DNAH7: variants seen among roughly 807,000 people sequenced by gnomAD.
DNAH7 encodes the protein dynein axonemal heavy chain 7, also known as axonemal beta dynein heavy chain 7.
A neutral mutation model predicts 444.6 loss-of-function variants in DNAH7; 397 were observed. That is an observed-to-expected ratio of 0.89 (90% CI 0.82 to 0.97). The LOEUF (loss-of-function observed/expected upper bound fraction) is 0.97, where lower values mean the gene tolerates loss of function less well. Ranked by LOEUF, DNAH7 falls within the 50% of genes least tolerant of loss-of-function variation. The pLI is 0.00. For missense variants in DNAH7, 4,902 were observed against 4,800.8 expected (o/e 1.02, Z -0.62); for synonymous variants, 1,636 against 1,624.4 (o/e 1.01, Z -0.17).
At chr2:195,867,136 T>C (rs554161818) in intron 40 of DNAH7, among the ~76,000 whole-genome samples, 3 of 152,292 alleles carry the variant, frequency 2.0e-5, no homozygotes, top group East Asian at 1.9e-4. Context: ...CAATCTTAAG[T>C]GTACAGCTCA....
chr2:196,062,885 T>C (rs1309474846), intron 1 of DNAH7, among the ~76,000 whole-genome samples: 1 of 152,206 alleles, frequency 6.6e-6, no homozygotes, highest in African/African-American at 2.4e-5. Context: ...GTTTTGTTTT[T>C]GTTTTTTGTT....
chr2:195,772,204 AAGAAAAAGCATTGCACTGGTGG>A (rs1260462915), intron 60 of DNAH7, among the ~76,000 whole-genome samples: 1 of 152,210 alleles, frequency 6.6e-6, no homozygotes, highest in Non-Finnish European at 1.5e-5. Context: ...CAGATAGTGG[AAGAAAAAGCATTGCACTGGTGG>A]AGTGGCCAAG....
chr2:195,948,694 GC>G (rs1689999064), intron 19 of DNAH7, among the ~76,000 whole-genome samples: 1 of 152,188 alleles, frequency 6.6e-6, no homozygotes, highest in Non-Finnish European at 1.5e-5. Flanking sequence ...GGTTACTGTA[GC>G]CTTGTAGTAT....
rs539691749 is a variant in DNAH7, at chr2:195,745,696, A to C, written c.11765-4827T>G. On this transcript the variant is annotated intron_variant, in intron 63 of 64. Transcript: ENST00000312428. Reference sequence around the variant, plus strand: ...ACAAGCCAGAAGAGAGTGGGGGCCAATATTCAACATTCTTAAAGAATTTTC... The same window carrying C: ...ACAAGCCAGAAGAGAGTGGGGGCCACTATTCAACATTCTTAAAGAATTTTC... Among the ~76,000 whole-genome samples, 239 of 152,376 alleles carry C rather than the reference A, an allele frequency of 1.6e-3. 2 individuals carry two copies. The highest frequency in any genetic ancestry group is 5.5e-3 in the African/African-American group (230 of 41,598).
At position 195,910,009 on chromosome 2, in the gene DNAH7, TGAG is replaced by T. The variant is rs1384661289; in HGVS notation, c.4104+15_4104+17del. 3.7e-6 allele frequency: 6 copies of T among 1,605,920 alleles called. No individual in the cohort carries two copies. The highest frequency in any genetic ancestry group is 5.1e-6 in the Non-Finnish European group (6 of 1,175,150). ...GATCAGTTATCCTGTTGTAAAGAAA[TGAG>T]GAGTTAATTCAAACCTTAAAGAATT... On this transcript the variant is annotated intron_variant, in intron 25 of 64. Coordinates refer to ENST00000312428, the MANE Select transcript of DNAH7 (RefSeq NM_018897.3).
chr2:196,017,711 A>G (rs200679002), intron 9 of DNAH7, among the ~76,000 whole-genome samples: 1 of 95,328 alleles, frequency 1.0e-5, no homozygotes, highest in Admixed American at 1.0e-4. Context: ...GGGAAAAGGT[A>G]AGATTGTTTA....
At position 195,906,765 on chromosome 2, in the gene DNAH7, A is replaced by T. The variant is rs751184952; in HGVS notation, c.4229T>A (p.Ile1410Lys). 3 of 1,613,478 alleles carry T rather than the reference A, an allele frequency of 1.9e-6. No homozygotes were observed. In the East Asian group the frequency reaches 6.7e-5, roughly 36 times the overall value. Residue 1410 changes from isoleucine (I) to lysine (K), a missense_variant, in exon 27 of 65, where the codon ATA (isoleucine) becomes AAA (lysine). Physicochemically the swap from Ile to Lys is moderately radical, Grantham distance 102. Transcript: ENST00000312428. The stretch of plus-strand genomic sequence containing the variant: ...TAGTTCAGTTCCTTCAAACATCAGT[A>T]TATCAGCACCTGCATTAATACCTGT... The part of the protein sequence containing the change: ...IQRGINAGAD[I>K]LMFEGTELKL...
chr2:195,926,515 C>T lies in DNAH7; in HGVS notation c.3523G>A (p.Val1175Ile), dbSNP rs1238590895. The T allele has an allele frequency of 6.2e-7, 1 of 1,603,982 alleles. No homozygotes were observed. The highest frequency in any genetic ancestry group is 1.3e-5 in the African/African-American group (1 of 74,330). ...ACAGTCTGTCCAGGCCAATCCCTTA[C>T]CCAGTTAATTCGTTCATATTTTGTA... ...AYTKYERINWVRDWPGQTVLC... is the reference protein window; with the variant it reads ...AYTKYERINWIRDWPGQTVLC... Residue 1175 changes from valine to isoleucine, a missense_variant, in exon 22 of 65, where the codon GTA (valine) becomes ATA (isoleucine). Transcript: ENST00000312428.
At chr2:195,999,615 T>C (rs1693915111) in intron 12 of DNAH7, among the ~76,000 whole-genome samples, 1 of 152,110 alleles carries the variant, frequency 6.6e-6, no homozygotes, top group African/African-American at 2.4e-5. Flanking sequence ...GTATTAAAAA[T>C]ATTTAATCTG....
intron 47 of DNAH7, among the ~76,000 whole-genome samples, chr2:195,844,295 A>T (rs1041307254): frequency 5.3e-5 from 8 of 152,248 alleles, no homozygotes; most frequent in Admixed American, 4.6e-4. Flanking sequence ...TTTCCTACTG[A>T]TAGTAGGAAA....
At chr2:195,790,930 G>T (rs917905086) in intron 57 of DNAH7, among the ~76,000 whole-genome samples, 1 of 152,102 alleles carries the variant, frequency 6.6e-6, no homozygotes, top group African/African-American at 2.4e-5. Flanking sequence ...GAAAATATTT[G>T]CAAACTATGT....
intron 30 of DNAH7, chr2:195,894,347 A>C (rs1702184774): frequency 6.6e-6 from 1 of 152,194 alleles, no homozygotes; most frequent in Non-Finnish European, 1.5e-5. Context: ...TTTCATATTG[A>C]TTGAAAGGGA....
In DNAH7 at chr2:195,858,581, GTTCA is replaced by G. The variant is rs1699850552; in HGVS notation, c.7956_7959del (p.Glu2653LysfsTer23). The G allele has an allele frequency of 6.2e-7, 1 of 1,613,954 alleles. No individual in the cohort carries two copies. The highest frequency in any genetic ancestry group is 2.2e-5 in the East Asian group (1 of 44,874). ...TTGATGGCTTTGGAAGCCATAGCTT[GTTCA>G]TTCGCTATTGTTTCATCAGCTTTCA... On this transcript the variant is annotated frameshift_variant, in exon 43 of 65. Coordinates refer to ENST00000312428, the MANE Select transcript of DNAH7 (RefSeq NM_018897.3). LOFTEE classifies it high-confidence loss of function.
At chr2:195,923,519 T>C (rs903816556) in intron 23 of DNAH7, 76 bp downstream of exon 23, 4 of 1,400,632 alleles carry the variant, frequency 2.9e-6, no homozygotes, top group Non-Finnish European at 4.0e-6. Flanking sequence ...CTATTTCCCA[T>C]GTGAGCAAGC....
At position 195,855,814 on chromosome 2, in the gene DNAH7, G is replaced by C; in HGVS notation, c.8592C>G (p.Asn2864Lys). 1 of 1,612,602 alleles carries C rather than the reference G, an allele frequency of 6.2e-7. No individual in the cohort carries two copies. The highest frequency in any genetic ancestry group is 1.7e-4 in the Middle Eastern group (1 of 6,046). The change falls in exon 45 of 65, where the codon AAC becomes AAG. Residue 2864 changes from asparagine (N) to lysine (K), a missense_variant. Coordinates refer to ENST00000312428, the MANE Select transcript of DNAH7 (RefSeq NM_018897.3). ...LNKQKKADLE[N>K]QVDLCSKKLE... Reference sequence around the variant, plus strand: ...CTTTTTCTATATCAGCACACACCTGGTTTTCCAGGTCAGCCTTCTTTTGTT... The same window carrying C: ...CTTTTTCTATATCAGCACACACCTGCTTTTCCAGGTCAGCCTTCTTTTGTT...
chr2:195,745,884 A>G (rs1483153076), intron 63 of DNAH7, among the ~76,000 whole-genome samples: 1 of 152,236 alleles, frequency 6.6e-6, no homozygotes, highest in Non-Finnish European at 1.5e-5. Context: ...GGTACCAGCC[A>G]CTGCAAAATC....
chr2:195,977,066 A>G (rs1345398557), intron 15 of DNAH7, among the ~76,000 whole-genome samples: 1 of 152,168 alleles, frequency 6.6e-6, no homozygotes, highest in Non-Finnish European at 1.5e-5. Flanking sequence ...TATAATACCT[A>G]ACTCTTCAAG....
At chr2:196,030,061 C>T (rs1407628592) in intron 5 of DNAH7, among the ~76,000 whole-genome samples, 1 of 152,122 alleles carries the variant, frequency 6.6e-6, no homozygotes, top group Non-Finnish European at 1.5e-5. Flanking sequence ...TATATTAGTC[C>T]GTTTTCACAC....
chr2:195,936,189 C>T (rs1689038780), intron 20 of DNAH7, among the ~76,000 whole-genome samples: 1 of 151,852 alleles, frequency 6.6e-6, no homozygotes, highest in Non-Finnish European at 1.5e-5. Flanking sequence ...GCCTGGCCAA[C>T]ATGGTGAAAC....
Sources: gnomAD v4.1 joint callset for allele counts (sites outside exome capture counted in the v4.1 genomes callset) on GRCh38, gnomAD v4.1.1 for gene constraint, MANE v1.5 for transcripts, NCBI Gene and HGNC (gene_info 2026-07-23, HGNC 2026-07-21) for gene names.